DENND1A: variants seen among roughly 807,000 people sequenced by gnomAD.
DENND1A encodes the protein DENN domain-containing protein 1A.
Under a neutral mutation model 113.7 loss-of-function variants are expected in DENND1A, and 51 were observed. The observed-to-expected ratio is 0.45, with a 90% CI of 0.36 to 0.57. DENND1A has a LOEUF of 0.57. Ranked by LOEUF, DENND1A falls within the 20% of genes least tolerant of loss-of-function variation. DENND1A has a pLI of 0.00. For synonymous variants in DENND1A, 565 were observed against 570.8 expected (o/e 0.99, Z 0.14); for missense variants, 1,258 against 1,395.9 (o/e 0.90, Z 1.57).
intron 8 of DENND1A, among the ~76,000 whole-genome samples, chr9:123,660,205 C>G (rs531975102): frequency 1.3e-4 from 20 of 152,066 alleles, no homozygotes; most frequent in Non-Finnish European, 2.5e-4. Flanking sequence ...TTCGGAGTAG[C>G]TCTAAGGATT....
chr9:123,614,463 T>G (rs2137914835), intron 10 of DENND1A, among the ~76,000 whole-genome samples: 1 of 152,356 alleles, frequency 6.6e-6, no homozygotes, highest in East Asian at 1.9e-4. Flanking sequence ...TGTTCATTAT[T>G]ACCGCACTTT....
At chr9:123,669,727 G>T (rs1027976086) in intron 7 of DENND1A, among the ~76,000 whole-genome samples, 7 of 152,198 alleles carry the variant, frequency 4.6e-5, no homozygotes, top group African/African-American at 7.2e-5. Context: ...ATACAGCAAG[G>T]ACTGGGGCAG....
At chr9:123,822,105 G>A (rs1248296326) in intron 2 of DENND1A, among the ~76,000 whole-genome samples, 1 of 152,014 alleles carries the variant, frequency 6.6e-6, no homozygotes, top group Non-Finnish European at 1.5e-5. Flanking sequence ...CTTTTGTCTG[G>A]GTCTGGCTTT....
At chr9:123,816,161 C>T (rs1837452594) in intron 2 of DENND1A, among the ~76,000 whole-genome samples, 1 of 151,910 alleles carries the variant, frequency 6.6e-6, no homozygotes, top group African/African-American at 2.4e-5. Context: ...CCACCACACC[C>T]AACTAATTTT....
At chr9:123,501,728 C>A (rs1403176225) in intron 13 of DENND1A, among the ~76,000 whole-genome samples, 1 of 152,196 alleles carries the variant, frequency 6.6e-6, no homozygotes, top group Non-Finnish European at 1.5e-5. Flanking sequence ...GGCAGATCCA[C>A]CCTTAATCTG....
At chr9:123,885,173 T>C (rs898695040) in intron 1 of DENND1A, among the ~76,000 whole-genome samples, 4 of 152,150 alleles carry the variant, frequency 2.6e-5, no homozygotes, top group African/African-American at 9.7e-5. Context: ...CAATTACAAT[T>C]ACCTGGGGGG....
At chr9:123,632,059 G>T (rs973822921) in intron 9 of DENND1A, among the ~76,000 whole-genome samples, 32 of 152,180 alleles carry the variant, frequency 2.1e-4, no homozygotes, top group African/African-American at 7.7e-4. Flanking sequence ...TTTACGTGGC[G>T]AAAGAGTGAC....
intron 10 of DENND1A, among the ~76,000 whole-genome samples, chr9:123,623,285 T>C (rs2061041505): frequency 6.6e-6 from 1 of 152,218 alleles, no homozygotes; most frequent in East Asian, 1.9e-4. Context: ...CCATGTCCCA[T>C]GTTTATAATA....
chr9:123,695,668 C>A (rs1349901842), intron 5 of DENND1A, among the ~76,000 whole-genome samples: 1 of 152,100 alleles, frequency 6.6e-6, no homozygotes, highest in African/African-American at 2.4e-5. Context: ...GGGATTCAGA[C>A]TTGTAAATCA....
At chr9:123,892,423 T>C (rs181461536) in intron 1 of DENND1A, among the ~76,000 whole-genome samples, 9 of 152,208 alleles carry the variant, frequency 5.9e-5, no homozygotes, top group Admixed American at 5.9e-4. Flanking sequence ...CAAAGTAACA[T>C]AGACAAAACA....
chr9:123,880,552 C>A (rs1848171483), intron 1 of DENND1A, among the ~76,000 whole-genome samples: 1 of 152,200 alleles, frequency 6.6e-6, no homozygotes, highest in Non-Finnish European at 1.5e-5. Flanking sequence ...GCCTAATCAT[C>A]TCTAAGGATT....
At position 123,499,145 on chromosome 9, in the gene DENND1A, C is replaced by T. The variant is rs1264274444; in HGVS notation, c.994-41248G>A. On this transcript the variant is annotated intron_variant, in intron 13 of 23. Coordinates refer to ENST00000394215, the MANE Select transcript of DENND1A (RefSeq NM_001352964.2). ...ACCTCCCAGGTTCAAGCTATTCTCC[C>T]GCCTCAGCCTCCCGAGTAGCTGGGA... 6.6e-5 allele frequency among the ~76,000 whole-genome samples: 10 copies of T among 152,164 alleles called. No homozygotes were observed. In the South Asian group the frequency reaches 1.0e-3, roughly 16 times the overall value.
intron 1 of DENND1A, among the ~76,000 whole-genome samples, chr9:123,890,788 A>G (rs1588109797): frequency 6.6e-6 from 1 of 152,338 alleles, no homozygotes; most frequent in African/African-American, 2.4e-5. Flanking sequence ...GTGTGGCTCT[A>G]GAGTCTATAT....
At chr9:123,772,085 T>G (rs914041458) in intron 3 of DENND1A, among the ~76,000 whole-genome samples, 1 of 152,168 alleles carries the variant, frequency 6.6e-6, no homozygotes, top group Non-Finnish European at 1.5e-5. Context: ...TATCTACTTC[T>G]TAATTTGAGA....
chr9:123,653,981 A>C (rs2062803514), intron 8 of DENND1A, among the ~76,000 whole-genome samples: 1 of 152,124 alleles, frequency 6.6e-6, no homozygotes, highest in African/African-American at 2.4e-5. Flanking sequence ...GCCATGTTTC[A>C]AAACTAGATC....
intron 12 of DENND1A, among the ~76,000 whole-genome samples, chr9:123,559,397 C>G (rs1240337329): frequency 6.6e-6 from 1 of 152,144 alleles, no homozygotes; most frequent in Non-Finnish European, 1.5e-5. Context: ...AAAGACAAAA[C>G]TTAGGATAAA....
At chr9:123,730,026 T>G (rs995442379) in intron 5 of DENND1A, among the ~76,000 whole-genome samples, 1 of 152,176 alleles carries the variant, frequency 6.6e-6, no homozygotes, top group African/African-American at 2.4e-5. Flanking sequence ...CCCTATTTAA[T>G]AAATGGTGTT....
intron 15 of DENND1A, among the ~76,000 whole-genome samples, chr9:123,455,235 G>C (rs1048669883): frequency 6.6e-6 from 1 of 152,204 alleles, no homozygotes; most frequent in African/African-American, 2.4e-5. Context: ...AAACAGAGCT[G>C]ATCATGCAGT....
At position 123,765,469 on chromosome 9, in the gene DENND1A, T is replaced by C. The variant is rs370467643; in HGVS notation, c.182+4045A>G. ...GTAGCATTTGAGCCACATTTGCATC[T>C]GGGGTTACATCCTGACCATTAAATG... is the stretch of plus-strand genomic sequence containing the variant. On this transcript the variant is annotated intron_variant, in intron 4 of 23. Transcript: ENST00000394215. Among the ~76,000 whole-genome samples the C allele has an allele frequency of 5.1e-3, 777 of 152,326 alleles. 3 individuals are homozygous for C. Among genetic ancestry groups the C allele is most frequent in the South Asian group, 0.013 (63 of 4,822 alleles).
Sources: allele counts gnomAD v4.1 joint callset (sites outside exome capture counted in the v4.1 genomes callset), GRCh38; gene constraint gnomAD v4.1.1; transcripts MANE v1.5; gene names NCBI Gene and HGNC (gene_info 2026-07-23, HGNC 2026-07-21).